The following RBM12 variants were observed in gnomAD, a reference collection of about 807,000 sequenced individuals.
RBM12 encodes the protein RNA binding motif protein 12.
A neutral mutation model predicts 37.2 loss-of-function variants in RBM12; 24 were observed. The ratio of observed to expected loss-of-function variants is 0.65; its 90% CI spans 0.47 to 0.91. The LOEUF is 0.91. Ranked by LOEUF, RBM12 falls within the 40% of genes least tolerant of loss-of-function variation. The pLI is 0.00. For synonymous variants in RBM12, 420 were observed against 425.2 expected, an observed-to-expected ratio of 0.99 and a Z score of 0.15; for missense variants, 1,061 against 1,183.2, an observed-to-expected ratio of 0.90 and a Z score of 1.52.
chr20:35,655,310 T>C lies in RBM12; in HGVS notation c.13A>G (p.Ile5Val). 1 of 1,608,664 alleles carries C rather than the reference T, an allele frequency of 6.2e-7. No homozygotes were observed. The highest frequency in any genetic ancestry group is 8.5e-7 in the Non-Finnish European group (1 of 1,179,774). MAVV[I>V]RLQGLPIVAG... ...ACAATTGGGAGACCTTGCAAACGGA[T>C]GACCACAGCCATGCTGCGCTGAAAC... Residue 5 changes from isoleucine to valine, a missense_variant, in exon 3 of 3, where the codon ATC (isoleucine) becomes GTC (valine). This residue lies in a region of RBM12 where 540 missense variants were observed against 632.7 expected (regional missense o/e 0.85). Transcript: ENST00000374114.
chr20:35,652,143 T>A lies in RBM12; in HGVS notation c.*381A>T, dbSNP rs41307155. On this transcript the variant is annotated 3_prime_UTR_variant, in exon 3 of 3. Transcript: ENST00000374114. ...AAATTCTGAGAGTAGCCAACTTCTA[T>A]TTTCAGCAGCTGGCAAGAGCACCCT... The A allele has an allele frequency of 8.3e-4, 136 of 163,258 alleles. No individual in the cohort carries two copies. The highest frequency in any genetic ancestry group is 1.6e-3 in the Non-Finnish European group (117 of 75,406). 10.1% of individuals were successfully genotyped at this position (163,258 alleles called of 1,614,324 possible).
intron 2 of RBM12, 126 bp downstream of exon 2, chr20:35,658,796 AACAAAAAC>A (rs1426422465): frequency 1.9e-6 from 1 of 538,120 alleles, no homozygotes; most frequent in Non-Finnish European, 3.2e-6. Flanking sequence ...AAAACAAGCA[AACAAAAAC>A]ACACACACAC....
chr20:35,662,772 C>A (rs2034303860), intron 1 of RBM12, among the ~76,000 whole-genome samples: 1 of 152,186 alleles, frequency 6.6e-6, no homozygotes, highest in South Asian at 2.1e-4. Context: ...TAACAACTCC[C>A]AAACTCTCAA....
chr20:35,660,510 C>CGCCTG (rs1367069198), intron 1 of RBM12, among the ~76,000 whole-genome samples: 1 of 152,160 alleles, frequency 6.6e-6, no homozygotes, highest in Non-Finnish European at 1.5e-5. Flanking sequence ...TGAGCCACCA[C>CGCCTG]GCCTGGCCTA....
chr20:35,654,003 T>C lies in RBM12; in HGVS notation c.1320A>G (p.Glu440=), dbSNP rs765935786. 6.2e-7 allele frequency: 1 copy of C among 1,614,238 alleles called. No individual in the cohort carries two copies. Among genetic ancestry groups the C allele is most frequent in the Admixed American group, 1.7e-5 (1 of 60,018 alleles). Residue 440 remains glutamate (E), a synonymous_variant, in exon 3 of 3, where the codon GAA becomes GAG. Transcript: ENST00000374114. ...FCVYLKGLPF[E]AENKHVIDFF... is the part of the protein sequence containing the mutation. ...AATCAATGACATGTTTGTTTTCTGC[T>C]TCAAATGGTAGCCCTTTCAAGTAAA...
chr20:35,661,812 C>G (rs1308191544), intron 1 of RBM12, among the ~76,000 whole-genome samples: 1 of 152,146 alleles, frequency 6.6e-6, no homozygotes, highest in African/African-American at 2.4e-5. Context: ...TAGTAAACAT[C>G]CAAAAGTGAA....
chr20:35,649,784 A>C lies in RBM12; in HGVS notation c.*2740T>G, dbSNP rs1015768489. Reference sequence around the variant, plus strand: ...TAAAAAAAAAATCAGAAGGGAGAGGAAAAAAAATTAAATCTAATGGAAAAT... The same window carrying C: ...TAAAAAAAAAATCAGAAGGGAGAGGCAAAAAAATTAAATCTAATGGAAAAT... On this transcript the variant is annotated 3_prime_UTR_variant, in exon 3 of 3. Coordinates refer to ENST00000374114, the MANE Select transcript of RBM12 (RefSeq NM_006047.6). 1 of 152,260 alleles carries C rather than the reference A, an allele frequency of 6.6e-6. No homozygotes were observed. Among genetic ancestry groups the C allele is most frequent in the African/African-American group, 2.4e-5 (1 of 41,430 alleles). The allele number at this position is 152,260 out of a possible 1,614,324, so 9.4% of individuals were successfully genotyped here.
rs2033654501 is a variant in RBM12, at chr20:35,653,181, T to C, written c.2142A>G (p.Glu714=). ...AGTTAAATGGAGGCCCATTATTGGC[T>C]TCCTTTGATCCTACAGTCAGGAAGG... ...EHAFLTVGSK[E]ANNGPPFNFP... The change falls in exon 3 of 3, where the codon GAA becomes GAG. Residue 714 remains glutamate (E), a synonymous_variant. Transcript: ENST00000374114. 1 of 1,613,436 alleles carries C rather than the reference T, an allele frequency of 6.2e-7. No individual in the cohort carries two copies. Among genetic ancestry groups the C allele is most frequent in the Admixed American group, 1.7e-5 (1 of 60,012 alleles).
Position 35,653,972 on chromosome 20 carries a change from T to TA in RBM12, c.1350dup (p.Lys451Ter). The TA allele has an allele frequency of 1.2e-6, 2 of 1,614,172 alleles. No individual in the cohort carries two copies. Among genetic ancestry groups the TA allele is most frequent in the Non-Finnish European group, 1.7e-6 (2 of 1,180,022 alleles). On this transcript the variant is annotated frameshift_variant, in exon 3 of 3. Coordinates refer to ENST00000374114, the MANE Select transcript of RBM12 (RefSeq NM_006047.6). LOFTEE classifies it high-confidence loss of function. ...CTATCTTCCACAATATCCAGCTTTT[T>TA]AAAAAAATCAATGACATGTTTGTTT... is the stretch of plus-strand genomic sequence containing the variant.
intron 2 of RBM12, among the ~76,000 whole-genome samples, chr20:35,656,597 C>T (rs1241595731): frequency 2.0e-5 from 3 of 152,194 alleles, no homozygotes; most frequent in African/African-American, 7.2e-5. Context: ...TGCAACGGCA[C>T]GATCTCGGTT....
chr20:35,649,695 T>C lies in RBM12; in HGVS notation c.*2829A>G, dbSNP rs1191243293. On this transcript the variant is annotated 3_prime_UTR_variant, in exon 3 of 3. Coordinates refer to ENST00000374114, the MANE Select transcript of RBM12 (RefSeq NM_006047.6). ...AGTTCAGAAAAGTTTACAAATTTGC[T>C]TATTTATGACATACATTTGTAGATT... 6.6e-6 allele frequency: 1 copy of C among 152,584 alleles called. No individual in the cohort carries two copies. The highest frequency in any genetic ancestry group is 1.5e-5 in the Non-Finnish European group (1 of 68,016). The allele number at this position is 152,584 out of a possible 1,614,324, so 9.5% of individuals were successfully genotyped here.
chr20:35,661,981 T>C (rs2034253955), intron 1 of RBM12, among the ~76,000 whole-genome samples: 1 of 152,132 alleles, frequency 6.6e-6, no homozygotes, highest in Admixed American at 6.5e-5. Flanking sequence ...AACAGTATAA[T>C]CACATTATAA....
rs6121011 is a variant in RBM12 at position 35,652,456 on chromosome 20, G to C, written c.*68C>G. ...CACAGGTTCTAACCTGGAAATACTA[G>C]GAAAACAATCTGGATGCATTAATCA... On this transcript the variant is annotated 3_prime_UTR_variant, in exon 3 of 3. Coordinates refer to ENST00000374114, the MANE Select transcript of RBM12 (RefSeq NM_006047.6). The C allele has an allele frequency of 2.0e-6, 3 of 1,509,064 alleles. No homozygotes were observed. The highest frequency in any genetic ancestry group is 8.9e-7 in the Non-Finnish European group (1 of 1,122,748). 93.5% of individuals were successfully genotyped at this position (1,509,064 alleles called of 1,614,324 possible).
intron 2 of RBM12, among the ~76,000 whole-genome samples, chr20:35,657,556 G>C (rs1218938763): frequency 6.6e-6 from 1 of 152,202 alleles, no homozygotes; most frequent in Admixed American, 6.5e-5. Context: ...CAGGGCTAAA[G>C]TGACATACAC....
rs560060964 is a variant in RBM12 at position 35,649,459 on chromosome 20, G to A, written c.*3065C>T. 1 of 152,628 alleles carries A rather than the reference G, an allele frequency of 6.6e-6. No homozygotes were observed. Among genetic ancestry groups the A allele is most frequent in the South Asian group, 2.1e-4 (1 of 4,830 alleles). The allele number at this position is 152,628 out of a possible 1,614,324, so 9.5% of individuals were successfully genotyped here. The stretch of plus-strand genomic sequence containing the variant: ...GGTTAAGACTGGCCTTAACTACACT[G>A]AATATTACTACCTGAAATTTTAAAT... On this transcript the variant is annotated 3_prime_UTR_variant, in exon 3 of 3. Transcript: ENST00000374114.
chr20:35,652,902 A>AC lies in RBM12; in HGVS notation c.2420dup (p.Ser807ArgfsTer43). On this transcript the variant is annotated frameshift_variant, in exon 3 of 3. Coordinates refer to ENST00000374114, the MANE Select transcript of RBM12 (RefSeq NM_006047.6). LOFTEE classifies it high-confidence loss of function. ...GGGCACTTCCAAGACCAGGAGGGCC[A>AC]CTTCCAAACCCCGGGGGACCGCCTA... is the stretch of plus-strand genomic sequence containing the variant. 1 of 1,613,696 alleles carries AC rather than the reference A, an allele frequency of 6.2e-7. No individual in the cohort carries two copies. Among genetic ancestry groups the AC allele is most frequent in the Non-Finnish European group, 8.5e-7 (1 of 1,179,996 alleles).
intron 2 of RBM12, 52 bp downstream of exon 2, chr20:35,658,878 C>T: frequency 1.4e-6 from 1 of 705,680 alleles, no homozygotes; most frequent in South Asian, 1.5e-5. Context: ...TCTTAATAAG[C>T]TATCTCATTT....
At chr20:35,658,794 C>T (rs1164386101) in intron 2 of RBM12, 136 bp downstream of exon 2, 4 of 539,536 alleles carry the variant, frequency 7.4e-6, no homozygotes, top group Non-Finnish European at 1.3e-5. Context: ...AAAAAACAAG[C>T]AAACAAAAAC....
intron 1 of RBM12, 22 bp from the exon 2 acceptor site, chr20:35,659,036 G>A: frequency 1.4e-6 from 1 of 714,690 alleles, no homozygotes; most frequent in Non-Finnish European, 2.6e-6. Flanking sequence ...AATAAACGGA[G>A]GCAAAAATCA....
Sources: gnomAD v4.1 joint callset for allele counts (sites outside exome capture counted in the v4.1 genomes callset) on GRCh38, gnomAD v4.1.1 for gene constraint, gnomAD v4.1.1 regional missense constraint, MANE v1.5 for transcripts, NCBI Gene and HGNC (gene_info 2026-07-23, HGNC 2026-07-21) for gene names.